RNF213: variants seen among roughly 807,000 people sequenced by gnomAD.
RNF213 encodes the protein ring finger protein 213.
Under a neutral mutation model 514.4 loss-of-function variants are expected in RNF213, and 341 were observed. The observed-to-expected ratio is 0.66, with a 90% CI of 0.61 to 0.73. The LOEUF (loss-of-function observed/expected upper bound fraction) is 0.73. RNF213 is among the 30% of genes least tolerant of loss of function. The pLI is 0.00. For missense variants in RNF213, 5,767 were observed against 6,615.6 expected (o/e 0.87, Z 4.45); for synonymous variants, 2,655 against 2,658.2 (o/e 1.00, Z 0.04).
chr17:80,344,593 T>C, intron 28 of RNF213, 85 bp from the exon 29 acceptor site: 1 of 1,447,362 alleles, frequency 6.9e-7, no homozygotes, highest in Non-Finnish European at 9.7e-7. Flanking sequence ...GTCCATCCAA[T>C]ATAGATAACG....
rs757483398 is a variant in RNF213, at chr17:80,290,472, CGT to C, written c.1113-90_1113-89del. 5.3e-4 allele frequency: 760 copies of C among 1,433,536 alleles called. 1 individual carries two copies. Among genetic ancestry groups the C allele is most frequent in the Middle Eastern group, 2.9e-3 (12 of 4,100 alleles). 88.8% of individuals were successfully genotyped at this position (1,433,536 alleles called of 1,614,324 possible). ...GTGTGCGAGTGCATGTGTGTGTGCA[CGT>C]GTGTGTGCGCACGTGTGTGTGTGCG... is the stretch of plus-strand genomic sequence containing the variant. On this transcript the variant is annotated intron_variant, in intron 6 of 67. Transcript: ENST00000582970.
chr17:80,273,095 C>T, intron 2 of RNF213, 146 bp from the exon 3 acceptor site: 1 of 1,061,546 alleles, frequency 9.4e-7, no homozygotes, highest in Admixed American at 1.8e-5. Flanking sequence ...GAACCCCTAC[C>T]CTGCTCATGT....
chr17:80,323,837 G>C (rs567757871), intron 17 of RNF213, among the ~76,000 whole-genome samples: 3 of 139,634 alleles, frequency 2.1e-5, no homozygotes, highest in Non-Finnish European at 4.8e-5. Context: ...TTTTTTTTGG[G>C]GGGGGGTGCT....
At chr17:80,388,469 G>A (rs6565682) in intron 63 of RNF213, 143 bp from the exon 64 acceptor site, 83,895 of 720,474 alleles carry the variant, frequency 0.12, 7,182 homozygotes, top group African/African-American at 0.35. Flanking sequence ...GGTTAATGAC[G>A]GAGAGGGGCG....
chr17:80,301,680 C>T (rs1377786471), intron 11 of RNF213, among the ~76,000 whole-genome samples: 1 of 152,126 alleles, frequency 6.6e-6, no homozygotes, highest in African/African-American at 2.4e-5. Context: ...AACTCTCATA[C>T]AGTGTAGGAA....
chr17:80,299,653 C>A (rs993605903), intron 11 of RNF213, among the ~76,000 whole-genome samples: 1 of 151,876 alleles, frequency 6.6e-6, no homozygotes, highest in Non-Finnish European at 1.5e-5. Context: ...CAGATTATTT[C>A]ATCATCCAAA....
chr17:80,300,132 C>T (rs1294527971), intron 11 of RNF213, among the ~76,000 whole-genome samples: 6 of 152,168 alleles, frequency 3.9e-5, no homozygotes, highest in African/African-American at 9.7e-5. Flanking sequence ...CACTGTCTTC[C>T]GTAATGGTTG....
chr17:80,325,301 G>A (rs2046251115), intron 18 of RNF213, 103 bp downstream of exon 18: 1 of 1,191,116 alleles, frequency 8.4e-7, no homozygotes, highest in Non-Finnish European at 1.1e-6. Flanking sequence ...TACTGAATTG[G>A]GATGGGCTGA....
intron 32 of RNF213, chr17:80,352,578 G>A (rs1360253905): frequency 1.8e-6 from 1 of 542,166 alleles, no homozygotes; most frequent in Non-Finnish European, 3.3e-6. Context: ...TAATTTCGTG[G>A]AGAATGGAAG....
chr17:80,290,522 G>A, intron 6 of RNF213, 48 bp from the exon 7 acceptor site: 1 of 1,611,376 alleles, frequency 6.2e-7, no homozygotes, highest in Non-Finnish European at 8.5e-7. Context: ...CACATGGCAG[G>A]TGGACAGATC....
At chr17:80,371,647 G>A (rs1407202411) in intron 46 of RNF213, 1 of 443,644 alleles carries the variant, frequency 2.3e-6, no homozygotes, top group Admixed American at 3.8e-5. Context: ...CTATAAAGGG[G>A]TCCTGAAACC....
chr17:80,339,805 G>A lies in RNF213; in HGVS notation c.5438G>A (p.Gly1813Asp), dbSNP rs1443114448. Residue 1813 changes from glycine to aspartate, a missense_variant, in exon 26 of 68, where the codon GGT (glycine) becomes GAT (aspartate). Gly to Asp is a moderately conservative substitution (Grantham distance 94). Transcript: ENST00000582970. ...GHCLAHLAGM[G>D]GSPVERCLPR... Reference sequence around the variant, plus strand: ...TGTCTGGCTCACCTGGCAGGGATGGGTGGGTCTCCCGTGGAGCGTTGTCTC... The same window carrying A: ...TGTCTGGCTCACCTGGCAGGGATGGATGGGTCTCCCGTGGAGCGTTGTCTC... 1 of 1,534,488 alleles carries A rather than the reference G, an allele frequency of 6.5e-7. No homozygotes were observed. The highest frequency in any genetic ancestry group is 8.7e-7 in the Non-Finnish European group (1 of 1,144,762).
Position 80,337,702 on chromosome 17 carries a change from C to T in RNF213, c.4644C>T (p.Ile1548=), listed in dbSNP as rs1180840973. 6.5e-7 allele frequency: 1 copy of T among 1,537,298 alleles called. No individual in the cohort carries two copies. Among genetic ancestry groups the T allele is most frequent in the Non-Finnish European group, 8.7e-7 (1 of 1,146,916 alleles). The change falls in exon 24 of 68, where the codon ATC becomes ATT. Residue 1548 remains isoleucine, a synonymous_variant. Coordinates refer to ENST00000582970, the MANE Select transcript of RNF213 (RefSeq NM_001256071.3). The part of the protein sequence containing the change: ...TAINQRGIYV[I]QAPKGGQKIS... The stretch of plus-strand genomic sequence containing the variant: ...TCAACCAAAGAGGCATCTATGTGAT[C>T]CAGGCGCCCAAAGGTGGCCAAAAGG...
chr17:80,336,975 G>A lies in RNF213; in HGVS notation c.4527+597G>A, dbSNP rs553927390. On this transcript the variant is annotated intron_variant, in intron 23 of 67. Transcript: ENST00000582970. ...TACCTGTAGCAGGGTCTGAATTGAC[G>A]TACGCAGCTTAACTAGATACCTGGG... 270 of 178,204 alleles carry A rather than the reference G, an allele frequency of 1.5e-3. 3 individuals are homozygous for A. The highest frequency in any genetic ancestry group is 2.1e-3 in the Non-Finnish European group (177 of 83,324). 11.0% of individuals were successfully genotyped at this position (178,204 alleles called of 1,614,324 possible).
chr17:80,327,268 C>T (rs1003512998), intron 18 of RNF213, among the ~76,000 whole-genome samples: 1 of 152,108 alleles, frequency 6.6e-6, no homozygotes, highest in African/African-American at 2.4e-5. Flanking sequence ...GAGGCCAAGG[C>T]GGGAGGATCT....
At chr17:80,358,778 G>A (rs575853541) in intron 37 of RNF213, among the ~76,000 whole-genome samples, 16 of 152,258 alleles carry the variant, frequency 1.1e-4, no homozygotes, top group African/African-American at 1.4e-4. Flanking sequence ...GCGTGGTGGC[G>A]CGTGCCTGTA....
chr17:80,269,249 A>G (rs2043716632), intron 2 of RNF213, among the ~76,000 whole-genome samples: 1 of 152,012 alleles, frequency 6.6e-6, no homozygotes, highest in African/African-American at 2.4e-5. Flanking sequence ...CAACACCCTC[A>G]CAGACACAAC....
intron 20 of RNF213, among the ~76,000 whole-genome samples, chr17:80,331,411 T>C (rs1295049352): frequency 2.0e-5 from 3 of 146,382 alleles, no homozygotes; most frequent in Non-Finnish European, 4.5e-5. Flanking sequence ...TTTTTTGATA[T>C]GGAGTCTCAC....
intron 66 of RNF213, 44 bp from the exon 67 acceptor site, chr17:80,389,968 T>C: frequency 3.1e-6 from 5 of 1,613,714 alleles, no homozygotes; most frequent in Non-Finnish European, 4.2e-6. Flanking sequence ...CGCTCCCTTC[T>C]CCCTGCAGGC....
Sources: allele counts gnomAD v4.1 joint callset (sites outside exome capture counted in the v4.1 genomes callset), GRCh38; gene constraint gnomAD v4.1.1; transcripts MANE v1.5; gene names NCBI Gene and HGNC (gene_info 2026-07-23, HGNC 2026-07-21).